Variants in EHBP1 observed in about 807,000 individuals in gnomAD.
EHBP1 encodes the protein EH domain-binding protein 1.
Under a neutral mutation model 144.0 loss-of-function variants are expected in EHBP1, and 55 were observed. The ratio of observed to expected loss-of-function variants is 0.38; its 90% confidence interval spans 0.31 to 0.48. EHBP1 has a LOEUF of 0.48. EHBP1 is among the 20% of genes least tolerant of loss of function. The pLI is 0.98. For synonymous variants in EHBP1, 469 were observed against 472.7 expected (o/e 0.99, Z 0.10); for missense variants, 1,200 against 1,364.2 (o/e 0.88, Z 1.90).
chr2:62,864,683 TATC>T (rs2049902944), intron 8 of EHBP1, 45 bp from the exon 9 acceptor site: 1 of 1,532,240 alleles, frequency 6.5e-7, no homozygotes, highest in Non-Finnish European at 8.9e-7. Flanking sequence ...TATTAGAAAA[TATC>T]ATATGGTATT....
intron 1 of EHBP1, among the ~76,000 whole-genome samples, chr2:62,692,116 A>T (rs1040225626): frequency 1.1e-4 from 17 of 152,218 alleles, no homozygotes; most frequent in African/African-American, 3.9e-4. Context: ...CATTTCATAT[A>T]AAAGTAATCA....
chr2:62,922,993 G>C (rs1204324627), intron 10 of EHBP1, among the ~76,000 whole-genome samples: 1 of 152,160 alleles, frequency 6.6e-6, no homozygotes, highest in African/African-American at 2.4e-5. Flanking sequence ...CATTGCCCCA[G>C]TTAAGAGCAT....
chr2:62,835,157 CCTAT>C (rs1205623328), intron 7 of EHBP1, among the ~76,000 whole-genome samples: 4 of 151,870 alleles, frequency 2.6e-5, no homozygotes, highest in Non-Finnish European at 5.9e-5. Flanking sequence ...TGATTTTTAA[CCTAT>C]CTGTGTTATT....
intron 2 of EHBP1, among the ~76,000 whole-genome samples, chr2:62,720,470 C>A (rs1033836357): frequency 3.9e-5 from 6 of 152,030 alleles, no homozygotes; most frequent in African/African-American, 1.4e-4. Flanking sequence ...CAAATTTTAT[C>A]TTTTATTCTT....
In EHBP1 at chr2:63,045,305, A is replaced by G. The variant is rs529643511; in HGVS notation, c.3393-105A>G. 8.0e-6 allele frequency: 11 copies of G among 1,381,584 alleles called. No homozygotes were observed. Among genetic ancestry groups the G allele is most frequent in the South Asian group, 1.2e-5 (1 of 80,620 alleles). The allele number at this position is 1,381,584 out of a possible 1,614,324, so 85.6% of individuals were successfully genotyped here. On this transcript the variant is annotated intron_variant, in intron 22 of 22. Coordinates refer to ENST00000431489, the MANE Select transcript of EHBP1 (RefSeq NM_001142616.3). The surrounding 1 kb of genome is among the most constrained non-coding windows in gnomAD (Gnocchi z 5.7). ...GCCTCCCACTGGCCTGGTGCTCCCC[A>G]TTCCCGCTGGGGATCCAAATACTGG...
At chr2:62,825,328 CATA>C (rs1364139896) in intron 5 of EHBP1, among the ~76,000 whole-genome samples, 1 of 151,970 alleles carries the variant, frequency 6.6e-6, no homozygotes, top group East Asian at 1.9e-4. Context: ...AGTTAAGAAA[CATA>C]ATAACTTTAG....
At chr2:62,933,363 T>A (rs2056152808) in intron 10 of EHBP1, among the ~76,000 whole-genome samples, 1 of 152,136 alleles carries the variant, frequency 6.6e-6, no homozygotes, top group Admixed American at 6.5e-5. Flanking sequence ...AAATATATAA[T>A]GTTAAAGAGA....
chr2:62,835,763 CA>C (rs2047179120), intron 7 of EHBP1, among the ~76,000 whole-genome samples: 3 of 152,150 alleles, frequency 2.0e-5, no homozygotes, highest in Admixed American at 1.3e-4. Flanking sequence ...CACTCACACC[CA>C]AATATTGCGC....
At chr2:62,844,045 A>T (rs1157369401) in intron 7 of EHBP1, among the ~76,000 whole-genome samples, 1 of 152,210 alleles carries the variant, frequency 6.6e-6, no homozygotes, top group Non-Finnish European at 1.5e-5. Context: ...TAAAAATTAT[A>T]TTGAATGTAT....
intron 1 of EHBP1, among the ~76,000 whole-genome samples, chr2:62,687,423 A>T (rs2033755077): frequency 6.6e-6 from 1 of 152,214 alleles, no homozygotes; most frequent in African/African-American, 2.4e-5. Flanking sequence ...TACAAAAGAG[A>T]TGTAGGAAAA....
At chr2:62,732,792 T>G (rs980599153) in intron 2 of EHBP1, among the ~76,000 whole-genome samples, 2 of 152,212 alleles carry the variant, frequency 1.3e-5, no homozygotes, top group African/African-American at 4.8e-5. Flanking sequence ...TTTTTGTAAT[T>G]GTCTCACAGT....
chr2:62,798,167 G>A (rs2043681180), intron 5 of EHBP1, among the ~76,000 whole-genome samples: 1 of 152,010 alleles, frequency 6.6e-6, no homozygotes, highest in Non-Finnish European at 1.5e-5. Context: ...AGGAGTTTGA[G>A]ACTAACCTGG....
intron 10 of EHBP1, among the ~76,000 whole-genome samples, chr2:62,941,990 A>G (rs1025390350): frequency 1.3e-5 from 2 of 152,110 alleles, no homozygotes; most frequent in African/African-American, 4.8e-5. Context: ...TGTTTTAAGT[A>G]TATGAACAAG....
chr2:62,796,242 C>T (rs1217939065), intron 5 of EHBP1, among the ~76,000 whole-genome samples: 1 of 151,932 alleles, frequency 6.6e-6, no homozygotes, highest in Non-Finnish European at 1.5e-5. Context: ...TGGGACTCTG[C>T]CTAGAAATAT....
rs1455782552 is a variant in EHBP1 at position 62,707,044 on chromosome 2, G to A, written c.-148G>A. 1 of 616,068 alleles carries A rather than the reference G, an allele frequency of 1.6e-6. No individual in the cohort carries two copies. Among genetic ancestry groups the A allele is most frequent in the Non-Finnish European group, 2.9e-6 (1 of 341,228 alleles). 38.2% of individuals were successfully genotyped at this position (616,068 alleles called of 1,614,324 possible). A position where few individuals can be genotyped will look rare whatever the true frequency, so the allele number is the denominator to read the frequency against. The stretch of plus-strand genomic sequence containing the variant: ...TGGGATTTACCCTGTGAAACAGGGA[G>A]AAGACTTATGGACCCCAAGCATCAT... On this transcript the variant is annotated 5_prime_UTR_variant, in exon 2 of 23. Coordinates refer to ENST00000431489, the MANE Select transcript of EHBP1 (RefSeq NM_001142616.3).
intron 2 of EHBP1, among the ~76,000 whole-genome samples, chr2:62,707,564 A>G (rs1021230305): frequency 6.6e-6 from 1 of 152,216 alleles, no homozygotes; most frequent in African/African-American, 2.4e-5. Flanking sequence ...TTTTGAGGTT[A>G]TTCATCATTA....
chr2:63,013,300 C>G (rs1559066401), intron 19 of EHBP1, among the ~76,000 whole-genome samples: 1 of 152,174 alleles, frequency 6.6e-6, no homozygotes, highest in Admixed American at 6.5e-5. Context: ...GGTTCTGACT[C>G]TCTTTGGACT....
chr2:62,931,127 T>G (rs2055953754), intron 10 of EHBP1, among the ~76,000 whole-genome samples: 1 of 152,188 alleles, frequency 6.6e-6, no homozygotes, highest in African/African-American at 2.4e-5. Flanking sequence ...AACATATCTG[T>G]TAAGAAGGGA....
Position 62,710,480 on chromosome 2 carries a change from A to T in EHBP1, c.104+3185A>T, listed in dbSNP as rs953610346. On this transcript the variant is annotated intron_variant, in intron 2 of 22. Coordinates refer to ENST00000431489, the MANE Select transcript of EHBP1 (RefSeq NM_001142616.3). ...ATTTATTTTAGTTTCTTATTTTTCT[A>T]TGTCATATAAGAATTCCTTTTCCTT... 3.1e-4 allele frequency among the ~76,000 whole-genome samples: 47 copies of T among 151,070 alleles called. 1 individual carries two copies. Among genetic ancestry groups the T allele is most frequent in the Non-Finnish European group, 8.9e-5 (6 of 67,696 alleles).
Sources: allele counts gnomAD v4.1 joint callset (sites outside exome capture counted in the v4.1 genomes callset), GRCh38; gene constraint gnomAD v4.1.1; non-coding constraint Gnocchi (gnomAD v3.1); transcripts MANE v1.5; gene names NCBI Gene and HGNC (gene_info 2026-07-23, HGNC 2026-07-21).